Variants in SMARCC1 observed in about 807,000 individuals in gnomAD.
SMARCC1 encodes the protein SWI/SNF related BAF chromatin remodeling complex subunit C1.
In SMARCC1, 43 loss-of-function variants were observed where a neutral mutation model predicts 147.4. The ratio of observed to expected loss-of-function variants is 0.29; its 90% CI spans 0.23 to 0.38. The LOEUF (loss-of-function observed/expected upper bound fraction) is 0.38, where lower values mean the gene tolerates loss of function less well. SMARCC1 is among the 10% of genes least tolerant of loss of function. The pLI, the probability that SMARCC1 is intolerant of heterozygous loss-of-function variation, is 1.00. For synonymous variants in SMARCC1, 495 were observed against 484.4 expected, an observed-to-expected ratio of 1.02 and a Z score of -0.29; for missense variants, 1,119 against 1,381.1, an observed-to-expected ratio of 0.81 and a Z score of 3.01.
intron 12 of SMARCC1, among the ~76,000 whole-genome samples, chr3:47,691,854 G>C (rs2033793652): frequency 6.6e-6 from 1 of 151,944 alleles, no homozygotes; most frequent in African/African-American, 2.4e-5. Context: ...ACAAAAATTA[G>C]CTGGGCGTGG....
At chr3:47,662,653 G>T in intron 19 of SMARCC1, 61 bp from the exon 20 acceptor site, 1 of 1,424,250 alleles carries the variant, frequency 7.0e-7, no homozygotes, top group Non-Finnish European at 9.7e-7. Context: ...TGTAATATTA[G>T]AAGTTCTTTA....
rs533589478 is a variant in SMARCC1, at chr3:47,633,357, G to C, written c.2646+1833C>G. Among the ~76,000 whole-genome samples, 22 of 152,186 alleles carry C rather than the reference G, an allele frequency of 1.4e-4. No individual in the cohort carries two copies. The South Asian group carries it at 3.7e-3, about 26-fold the overall frequency. ...TGGCTGAATAGCTATGGAAAATGAT[G>C]GAACCAGGAGTCAAAAATGAGCCGA... On this transcript the variant is annotated intron_variant, in intron 24 of 27. Coordinates refer to ENST00000254480, the MANE Select transcript of SMARCC1 (RefSeq NM_003074.4).
chr3:47,634,371 A>G (rs2106701232), intron 24 of SMARCC1, among the ~76,000 whole-genome samples: 2 of 152,312 alleles, frequency 1.3e-5, no homozygotes, highest in South Asian at 4.1e-4. Flanking sequence ...TTGGTTCATC[A>G]TATCAGATTA....
At chr3:47,702,625 G>T (rs545217088) in intron 10 of SMARCC1, among the ~76,000 whole-genome samples, 2 of 152,240 alleles carry the variant, frequency 1.3e-5, no homozygotes, top group East Asian at 3.9e-4. Context: ...TTAAGACAGG[G>T]TCTCACTCTG....
intron 26 of SMARCC1, among the ~76,000 whole-genome samples, chr3:47,609,126 G>A (rs929594599): frequency 2.0e-5 from 3 of 152,102 alleles, no homozygotes; most frequent in African/African-American, 7.2e-5. Context: ...AACAAACTAA[G>A]CACTCAAAAG....
At position 47,778,599 on chromosome 3, in the gene SMARCC1, A is replaced by G. The variant is rs116388719; in HGVS notation, c.195+3004T>C. ...TCCCAAGTGCTGGGATTACGGACGC[A>G]AGCCACTGCACCTGGCCCAATTAAT... is the stretch of plus-strand genomic sequence containing the variant. On this transcript the variant is annotated intron_variant, in intron 1 of 27. Coordinates refer to ENST00000254480, the MANE Select transcript of SMARCC1 (RefSeq NM_003074.4). Among the ~76,000 whole-genome samples, 864 of 152,266 alleles carry G rather than the reference A, an allele frequency of 5.7e-3. 5 individuals are homozygous for G. The highest frequency in any genetic ancestry group is 0.02 in the African/African-American group (829 of 41,542).
intron 25 of SMARCC1, among the ~76,000 whole-genome samples, chr3:47,620,495 T>G (rs998498607): frequency 1.3e-5 from 2 of 152,128 alleles, no homozygotes. Context: ...GTTTTTGTTT[T>G]TTTTCCACTA....
chr3:47,773,415 CAAAA>C (rs751850101), intron 1 of SMARCC1, among the ~76,000 whole-genome samples: 2 of 70,984 alleles, frequency 2.8e-5, no homozygotes, highest in Non-Finnish European at 2.9e-5. Flanking sequence ...TGTTTTTTAC[CAAAA>C]AAAAAAAAAA....
intron 21 of SMARCC1, among the ~76,000 whole-genome samples, chr3:47,660,602 T>C (rs1349546533): frequency 6.6e-6 from 1 of 152,156 alleles, no homozygotes; most frequent in Non-Finnish European, 1.5e-5. Flanking sequence ...GAAAACATTA[T>C]GCTAAGTCAA....
intron 2 of SMARCC1, among the ~76,000 whole-genome samples, chr3:47,754,069 T>A (rs1364813469): frequency 6.6e-6 from 1 of 152,224 alleles, no homozygotes; most frequent in Non-Finnish European, 1.5e-5. Flanking sequence ...GCACCTCTAA[T>A]GATAGGTCAC....
intron 26 of SMARCC1, among the ~76,000 whole-genome samples, chr3:47,596,321 G>C (rs1249375350): frequency 1.3e-5 from 2 of 152,074 alleles, no homozygotes; most frequent in African/African-American, 4.8e-5. Context: ...TATAATCCCA[G>C]CACTTTGGGA....
intron 7 of SMARCC1, among the ~76,000 whole-genome samples, chr3:47,714,794 GAAACA>G (rs200780386): frequency 2.0e-5 from 3 of 151,906 alleles, no homozygotes; most frequent in South Asian, 2.1e-4. Flanking sequence ...ACCCTATCTC[GAAACA>G]AAACAAAACA....
intron 19 of SMARCC1, among the ~76,000 whole-genome samples, chr3:47,666,646 T>TACATGTGGCCC (rs2033423963): frequency 2.6e-5 from 4 of 151,600 alleles, no homozygotes; most frequent in African/African-American, 7.3e-5. Flanking sequence ...ACCTGTGGCC[T>TACATGTGGCCC]GCAGCCTACA....
At chr3:47,653,028 C>G (rs1449266510) in intron 21 of SMARCC1, among the ~76,000 whole-genome samples, 4 of 149,410 alleles carry the variant, frequency 2.7e-5, no homozygotes, top group Non-Finnish European at 4.4e-5. Context: ...GCAATCTCGG[C>G]TCACTGCAAG....
At position 47,635,261 on chromosome 3, in the gene SMARCC1, G is replaced by T; in HGVS notation, c.2575C>A (p.His859Asn). ...ESDTGKKKVE[H>N]EISEGNVATA... The stretch of plus-strand genomic sequence containing the variant: ...GCAACATTTCCTTCGGAAATTTCAT[G>T]TTCTACTTTCTTCTTCCCAGTATCA... Residue 859 changes from histidine to asparagine, a missense_variant, in exon 24 of 28, where the codon CAT becomes AAT. His to Asn is a moderately conservative substitution (Grantham distance 68). Coordinates refer to ENST00000254480, the MANE Select transcript of SMARCC1 (RefSeq NM_003074.4). 1 of 1,613,488 alleles carries T rather than the reference G, an allele frequency of 6.2e-7. No homozygotes were observed. Among genetic ancestry groups the T allele is most frequent in the South Asian group, 1.1e-5 (1 of 91,074 alleles).
At chr3:47,668,384 T>TA (rs1393630259) in intron 19 of SMARCC1, among the ~76,000 whole-genome samples, 1 of 152,206 alleles carries the variant, frequency 6.6e-6, no homozygotes, top group Non-Finnish European at 1.5e-5. Context: ...TATAAAACCT[T>TA]ACATTATCCT....
At chr3:47,593,828 C>T (rs1576381207) in intron 26 of SMARCC1, among the ~76,000 whole-genome samples, 1 of 152,142 alleles carries the variant, frequency 6.6e-6, no homozygotes. Flanking sequence ...GAGCCCCTTA[C>T]TTCAGGGGTG....
chr3:47,722,829 G>C (rs984734219), intron 6 of SMARCC1, among the ~76,000 whole-genome samples: 4 of 152,170 alleles, frequency 2.6e-5, no homozygotes, highest in African/African-American at 9.7e-5. Flanking sequence ...ATACCATGCA[G>C]AGCCACTGCA....
At chr3:47,688,357 A>G (rs1442016295) in intron 13 of SMARCC1, among the ~76,000 whole-genome samples, 1 of 152,082 alleles carries the variant, frequency 6.6e-6, no homozygotes, top group African/African-American at 2.4e-5. Flanking sequence ...AGTCATAAGA[A>G]AAGAGTTTCT....
Sources: gnomAD v4.1 joint callset for allele counts (sites outside exome capture counted in the v4.1 genomes callset) on GRCh38, gnomAD v4.1.1 for gene constraint, MANE v1.5 for transcripts, NCBI Gene and HGNC (gene_info 2026-07-23, HGNC 2026-07-21) for gene names.